Variants in VAT1L observed in about 807,000 individuals in gnomAD.
The protein encoded by VAT1L is putative NADPH-dependent quinone oxidoreductase VAT1L.
In VAT1L, 34 loss-of-function variants were observed where a neutral mutation model predicts 44.1. The ratio of observed to expected loss-of-function variants is 0.77; its 90% CI spans 0.59 to 1.03. The LOEUF (loss-of-function observed/expected upper bound fraction) is 1.03. Among genes scored for constraint, VAT1L ranks in the 50% least tolerant of loss-of-function variants. The pLI, the probability that VAT1L is intolerant of heterozygous loss-of-function variation, is 0.00. For synonymous variants in VAT1L, 253 were observed against 202.2 expected, an observed-to-expected ratio of 1.25 and a Z score of -2.13; for missense variants, 615 against 538.8, an observed-to-expected ratio of 1.14 and a Z score of -1.40.
chr16:77,871,507 G>A (rs1245988303), intron 4 of VAT1L, among the ~76,000 whole-genome samples: 1 of 151,938 alleles, frequency 6.6e-6, no homozygotes, highest in Non-Finnish European at 1.5e-5. Flanking sequence ...AGGGTTGGCC[G>A]CTACTTACCC....
At chr16:77,966,929 C>CT (rs2018228747) in intron 7 of VAT1L, among the ~76,000 whole-genome samples, 3 of 63,690 alleles carry the variant, frequency 4.7e-5, no homozygotes, top group African/African-American at 1.9e-4. Context: ...CAGTAGAGTA[C>CT]TTTAAAAAAA....
chr16:77,871,535 C>T (rs1437159238), intron 4 of VAT1L, among the ~76,000 whole-genome samples: 1 of 152,174 alleles, frequency 6.6e-6, no homozygotes. Context: ...CCCTAATTCA[C>T]CTTTGATGCC....
intron 3 of VAT1L, among the ~76,000 whole-genome samples, chr16:77,830,058 C>A (rs1236981603): frequency 6.6e-6 from 1 of 152,148 alleles, no homozygotes; most frequent in Non-Finnish European, 1.5e-5. Context: ...CCTCGAGGAA[C>A]ATGAGATGCG....
intron 7 of VAT1L, among the ~76,000 whole-genome samples, chr16:77,910,431 G>C (rs9934663): frequency 0.063 from 9,549 of 152,170 alleles, 1,017 homozygotes; most frequent in African/African-American, 0.22. Context: ...CCAGCACTTT[G>C]GGAGGCCGAG....
Position 77,971,998 on chromosome 16 carries a change from C to T in VAT1L, c.1161+65C>T, listed in dbSNP as rs1483199637. On this transcript the variant is annotated intron_variant, in intron 8 of 8. Transcript: ENST00000302536. ...GAGAGCACCACGGGTCAATCAGATG[C>T]AGACACGGGTGGGGTAGAAGGAAGT... 6.0e-6 allele frequency: 9 copies of T among 1,492,976 alleles called. No homozygotes were observed. The Admixed American group carries it at 1.3e-4, about 22-fold the overall frequency. The allele number at this position is 1,492,976 out of a possible 1,614,324, so 92.5% of individuals were successfully genotyped here. A position where few individuals can be genotyped will look rare whatever the true frequency, so the allele number is the denominator to read the frequency against.
chr16:77,948,467 T>G (rs1442088049), intron 7 of VAT1L, among the ~76,000 whole-genome samples: 1 of 152,144 alleles, frequency 6.6e-6, no homozygotes, highest in African/African-American at 2.4e-5. Flanking sequence ...AGCATTTGAG[T>G]GCTGGAACTG....
intron 8 of VAT1L, among the ~76,000 whole-genome samples, chr16:77,975,012 G>T (rs2018320716): frequency 6.6e-6 from 1 of 151,918 alleles, no homozygotes; most frequent in Non-Finnish European, 1.5e-5. Flanking sequence ...ATGTCTTGAG[G>T]TTAAACAGAA....
intron 6 of VAT1L, among the ~76,000 whole-genome samples, chr16:77,880,877 A>G (rs1429378826): frequency 1.3e-5 from 2 of 151,988 alleles, no homozygotes. Flanking sequence ...CATTAATTTG[A>G]TTAGGAAAAT....
chr16:77,864,416 A>G (rs1162100723), intron 4 of VAT1L, among the ~76,000 whole-genome samples: 1 of 151,982 alleles, frequency 6.6e-6, no homozygotes, highest in Non-Finnish European at 1.5e-5. Context: ...AACATAGTGA[A>G]GCTCGATCTC....
intron 3 of VAT1L, among the ~76,000 whole-genome samples, chr16:77,840,582 C>A (rs1005747581): frequency 1.3e-5 from 2 of 152,200 alleles, no homozygotes; most frequent in Admixed American, 1.3e-4. Flanking sequence ...CTGTGCTCCT[C>A]ATCCTAGGAA....
rs2017127173 is a variant in VAT1L, at chr16:77,879,518, C to T, written c.882+294C>T. Among the ~76,000 whole-genome samples the T allele has an allele frequency of 6.6e-6, 1 of 152,112 alleles. No individual in the cohort carries two copies. Among genetic ancestry groups the T allele is most frequent in the South Asian group, 2.1e-4 (1 of 4,818 alleles). Reference sequence around the variant, plus strand: ...GTTGGCCAGGATGGTCTCAATCTGACCTCGTGATCTGCCCGCCTCAGCCTC... The same window carrying T: ...GTTGGCCAGGATGGTCTCAATCTGATCTCGTGATCTGCCCGCCTCAGCCTC... On this transcript the variant is annotated intron_variant, in intron 6 of 8. Coordinates refer to ENST00000302536, the MANE Select transcript of VAT1L (RefSeq NM_020927.3). The surrounding 1 kb of genome is among the most constrained non-coding windows in gnomAD (Gnocchi z 4.1).
intron 7 of VAT1L, among the ~76,000 whole-genome samples, chr16:77,957,617 C>G (rs1464703973): frequency 6.6e-6 from 1 of 151,680 alleles, no homozygotes; most frequent in African/African-American, 2.4e-5. Context: ...CCCAGCTACT[C>G]GGGAGGCTGA....
At chr16:77,920,922 T>C (rs1461791554) in intron 7 of VAT1L, among the ~76,000 whole-genome samples, 1 of 115,662 alleles carries the variant, frequency 8.6e-6, no homozygotes, top group Admixed American at 9.4e-5. Context: ...TTAGGTGTCA[T>C]ATGACTGTGT....
chr16:77,789,199 G>A (rs554915971), intron 1 of VAT1L, among the ~76,000 whole-genome samples: 65 of 152,276 alleles, frequency 4.3e-4, no homozygotes, highest in Non-Finnish European at 8.7e-4. Flanking sequence ...TTGCGCTACG[G>A]GAGTTCTCCG....
chr16:77,814,748 A>G (rs1015869998), intron 1 of VAT1L, among the ~76,000 whole-genome samples: 3 of 152,204 alleles, frequency 2.0e-5, no homozygotes, highest in Non-Finnish European at 2.9e-5. Context: ...TGCGTTATTT[A>G]TTTGATTGTG....
intron 1 of VAT1L, among the ~76,000 whole-genome samples, chr16:77,797,116 C>T (rs1313555585): frequency 4.1e-5 from 6 of 145,554 alleles, no homozygotes; most frequent in African/African-American, 1.5e-4. Flanking sequence ...ACCCTTAAAT[C>T]TTTTTTTTTT....
At chr16:77,803,447 T>A (rs373084421) in intron 1 of VAT1L, among the ~76,000 whole-genome samples, 52 of 125,844 alleles carry the variant, frequency 4.1e-4, no homozygotes, top group African/African-American at 1.5e-3. Flanking sequence ...TGAGATGGAG[T>A]CTTGCTCTGT....
intron 2 of VAT1L, among the ~76,000 whole-genome samples, chr16:77,820,807 G>A (rs1004582368): frequency 2.0e-5 from 3 of 152,098 alleles, no homozygotes; most frequent in African/African-American, 7.2e-5. Context: ...ATAAATAAAG[G>A]CACTTAGCGC....
chr16:77,850,888 T>C (rs1567487426), intron 3 of VAT1L, among the ~76,000 whole-genome samples: 2 of 152,218 alleles, frequency 1.3e-5, no homozygotes, highest in African/African-American at 4.8e-5. Flanking sequence ...TCTGGTGGAC[T>C]GGACGGCTCC....
Sources: gnomAD v4.1 joint callset for allele counts (sites outside exome capture counted in the v4.1 genomes callset) on GRCh38, gnomAD v4.1.1 for gene constraint, Gnocchi (gnomAD v3.1) non-coding constraint, MANE v1.5 for transcripts, NCBI Gene and HGNC (gene_info 2026-07-23, HGNC 2026-07-21) for gene names.